Variants in COG7 observed in about 807,000 individuals in gnomAD.
The protein encoded by COG7 is component of oligomeric golgi complex 7, also known as conserved oligomeric Golgi complex subunit 7.
A neutral mutation model predicts 91.5 loss-of-function variants in COG7; 49 were observed. That is an observed-to-expected ratio of 0.54 (90% CI 0.43 to 0.68). The LOEUF is 0.68. Among genes scored for constraint, COG7 ranks in the 30% least tolerant of loss-of-function variants. COG7 has a pLI of 0.00. For missense variants in COG7, 895 were observed against 961.3 expected (o/e 0.93, Z 0.91); for synonymous variants, 365 against 388.7 (o/e 0.94, Z 0.72).
chr16:23,398,082 G>A lies in COG7; in HGVS notation c.1851C>T (p.Pro617=), dbSNP rs748835759. ...ACTCGAGAGGGGTGAGACTAAAGGC[G>A]GGCAGTTCATCTGTGAGGGTTTCTC... ...GIGETLTDEL[P]AFSLTPLEYI... Residue 617 remains proline (P), a synonymous_variant, in exon 14 of 17, where the codon CCC becomes CCT. Coordinates refer to ENST00000307149, the MANE Select transcript of COG7 (RefSeq NM_153603.4). The A allele has an allele frequency of 4.0e-5, 64 of 1,613,978 alleles. No homozygotes were observed. Among genetic ancestry groups the A allele is most frequent in the Admixed American group, 3.3e-4 (20 of 59,990 alleles).
At chr16:23,397,970 A>G (rs1963311529) in intron 14 of COG7, 76 bp downstream of exon 14, 6 of 1,295,868 alleles carry the variant, frequency 4.6e-6, no homozygotes, top group Non-Finnish European at 6.7e-6. Context: ...GGAAATGACT[A>G]TAAGGGCAAG....
At chr16:23,442,224 C>T (rs1340315506) in intron 4 of COG7, among the ~76,000 whole-genome samples, 1 of 151,552 alleles carries the variant, frequency 6.6e-6, no homozygotes, top group African/African-American at 2.4e-5. Context: ...ATCCCAGCTA[C>T]TCGGGAGGCT....
At position 23,452,910 on chromosome 16, in the gene COG7, C is replaced by G. The variant is rs1964289606; in HGVS notation, c.85G>C (p.Ala29Pro). 1 of 1,613,964 alleles carries G rather than the reference C, an allele frequency of 6.2e-7. No homozygotes were observed. The highest frequency in any genetic ancestry group is 8.5e-7 in the Non-Finnish European group (1 of 1,180,010). The change falls in exon 1 of 17, where the codon GCG becomes CCG. Residue 29 changes from alanine to proline, a missense_variant. Physicochemically the swap from Ala to Pro is conservative, Grantham distance 27 (BLOSUM62 -1). Transcript: ENST00000307149. Reference sequence around the variant, plus strand: ...GCGTGGCCATCCGCCTTCCCGGACGCCGCCTCCTTGGAGCCGGCCCTGAAG... The same window carrying G: ...GCGTGGCCATCCGCCTTCCCGGACGGCGCCTCCTTGGAGCCGGCCCTGAAG... Reference protein sequence around the residue: ...AAFRAGSKEAASGKADGHAAT... With the variant: ...AAFRAGSKEAPSGKADGHAAT...
At chr16:23,430,937 G>A (rs916606310) in intron 6 of COG7, among the ~76,000 whole-genome samples, 1 of 151,856 alleles carries the variant, frequency 6.6e-6, no homozygotes, top group South Asian at 2.1e-4. Context: ...GCTGAGGCGG[G>A]AAGATCACTT....
intron 7 of COG7, among the ~76,000 whole-genome samples, chr16:23,423,797 C>T (rs898719378): frequency 3.9e-5 from 6 of 152,216 alleles, no homozygotes; most frequent in African/African-American, 9.6e-5. Flanking sequence ...ACATGCGTCA[C>T]GGGGTCTGTG....
intron 4 of COG7, among the ~76,000 whole-genome samples, chr16:23,437,508 TAAAG>T: frequency 6.6e-6 from 1 of 152,086 alleles, no homozygotes; most frequent in East Asian, 1.9e-4. Flanking sequence ...AGACTCAAAA[TAAAG>T]AATTAACAAA....
intron 11 of COG7, 30 bp downstream of exon 11, chr16:23,410,265 G>A: frequency 1.9e-6 from 3 of 1,597,506 alleles, no homozygotes; most frequent in Non-Finnish European, 2.6e-6. Context: ...GAACCCCAGG[G>A]TGTAGAGGAC....
chr16:23,424,378 C>T (rs1253293394), intron 7 of COG7, among the ~76,000 whole-genome samples: 1 of 150,870 alleles, frequency 6.6e-6, no homozygotes, highest in East Asian at 1.9e-4. Flanking sequence ...TCTGAGGCTT[C>T]GTGATGACTT....
chr16:23,406,073 T>C lies in COG7; in HGVS notation c.1662+3A>G, dbSNP rs1468644964. 1.2e-6 allele frequency: 2 copies of C among 1,613,256 alleles called. No homozygotes were observed. The highest frequency in any genetic ancestry group is 1.1e-5 in the South Asian group (1 of 91,076). On this transcript the variant is annotated splice_donor_region_variant and intron_variant, in intron 12 of 16. Transcript: ENST00000307149. ...CAAGAATGCCATTCATTTGGTCTCA[T>C]ACCTTAAGGGTATAAAGTATTTCCA... is the stretch of plus-strand genomic sequence containing the variant.
At chr16:23,421,173 T>C (rs1963750194) in intron 7 of COG7, among the ~76,000 whole-genome samples, 1 of 151,752 alleles carries the variant, frequency 6.6e-6, no homozygotes, top group African/African-American at 2.4e-5. Context: ...TATTGCATAA[T>C]CTTTTATATT....
In COG7 at chr16:23,424,699, G is replaced by T. The variant is rs987269444; in HGVS notation, c.1009+50C>A. 2.5e-6 allele frequency: 4 copies of T among 1,589,318 alleles called. No individual in the cohort carries two copies. In the African/African-American group the frequency reaches 4.0e-5, roughly 16 times the overall value. ...ACAAATCCAGGCCCCAGAAGCTTCA[G>T]AAAGAGCGAGTAAAGACAAGCTAGA... On this transcript the variant is annotated intron_variant, in intron 7 of 16. Coordinates refer to ENST00000307149, the MANE Select transcript of COG7 (RefSeq NM_153603.4).
chr16:23,418,771 T>C lies in COG7; in HGVS notation c.1066A>G (p.Lys356Glu), dbSNP rs1050959808. The C allele has an allele frequency of 6.2e-7, 1 of 1,613,526 alleles. No individual in the cohort carries two copies. Among genetic ancestry groups the C allele is most frequent in the Non-Finnish European group, 8.5e-7 (1 of 1,179,528 alleles). ...ELVDAVYDPY[K>E]PYQLKYGDME... Reference sequence around the variant, plus strand: ...TCGCCATACTTCAGCTGGTAGGGTTTGTATGGATCATACACAGCATCCACC... The same window carrying C: ...TCGCCATACTTCAGCTGGTAGGGTTCGTATGGATCATACACAGCATCCACC... Residue 356 changes from lysine to glutamate, a missense_variant, in exon 8 of 17, where the codon AAA becomes GAA. By Grantham distance (56) the Lys-to-Glu change is moderately conservative. Coordinates refer to ENST00000307149, the MANE Select transcript of COG7 (RefSeq NM_153603.4).
chr16:23,411,870 A>G (rs991628139), intron 10 of COG7, among the ~76,000 whole-genome samples: 1 of 150,700 alleles, frequency 6.6e-6, no homozygotes, highest in African/African-American at 2.4e-5. Flanking sequence ...AGAAAAAGAA[A>G]CTTCCAGATT....
rs1354853556 is a variant in COG7 at position 23,452,763 on chromosome 16, C to T, written c.169+63G>A. On this transcript the variant is annotated intron_variant, in intron 1 of 16. Transcript: ENST00000307149. ...CCCACCTGAGTGCCTCACGCAAGTT[C>T]GGTGACCTCTGCCCAGCCGAGAGCA... 3.9e-6 allele frequency: 6 copies of T among 1,552,936 alleles called. No homozygotes were observed. In the Admixed American group the frequency reaches 7.7e-5, roughly 20 times the overall value.
chr16:23,450,837 A>G (rs1382043345), intron 1 of COG7, among the ~76,000 whole-genome samples: 1 of 152,100 alleles, frequency 6.6e-6, no homozygotes, highest in Non-Finnish European at 1.5e-5. Flanking sequence ...TCTCAAAAAA[A>G]AAAAGAAAGA....
At position 23,403,958 on chromosome 16, in the gene COG7, TG is replaced by T. The variant is rs1225730554; in HGVS notation, c.1663-125del. 194 of 1,142,450 alleles carry T rather than the reference TG, an allele frequency of 1.7e-4. 1 individual carries two copies. In the East Asian group the frequency reaches 4.8e-3, roughly 28 times the overall value. 70.8% of individuals were successfully genotyped at this position (1,142,450 alleles called of 1,614,324 possible). On this transcript the variant is annotated intron_variant, in intron 12 of 16. Transcript: ENST00000307149. ...TCTATGCAATAGTGGTTCCCAAACC[TG>T]GCTGTGCCCCAGGCCCCTCTGGAGA...
chr16:23,430,445 A>G (rs1963916465), intron 6 of COG7, among the ~76,000 whole-genome samples: 1 of 151,938 alleles, frequency 6.6e-6, no homozygotes, highest in Non-Finnish European at 1.5e-5. Flanking sequence ...AAAAAAAAAA[A>G]GATTGTATTT....
chr16:23,408,744 A>G (rs1963510980), intron 11 of COG7, among the ~76,000 whole-genome samples: 1 of 152,048 alleles, frequency 6.6e-6, no homozygotes. Flanking sequence ...GTGTGTGTAA[A>G]TAATATAAAT....
In COG7 at chr16:23,424,874, G is replaced by A; in HGVS notation, c.884C>T (p.Pro295Leu). Residue 295 changes from proline to leucine, a missense_variant, in exon 7 of 17, where the codon CCC (proline) becomes CTC (leucine). Pro to Leu is a moderately conservative substitution (Grantham distance 98). Transcript: ENST00000307149. ...QTLGALMPSL[P>L]SCLSNGVERA... ...CTCCACGCCGTTGCTGAGGCAGGAG[G>A]GCAGCGAGGGCATGAGGGCCCCCAG... 4 of 1,614,212 alleles carry A rather than the reference G, an allele frequency of 2.5e-6. No individual in the cohort carries two copies. Among genetic ancestry groups the A allele is most frequent in the Non-Finnish European group, 2.5e-6 (3 of 1,180,032 alleles).
Sources: allele counts gnomAD v4.1 joint callset (sites outside exome capture counted in the v4.1 genomes callset), GRCh38; gene constraint gnomAD v4.1.1; transcripts MANE v1.5; gene names NCBI Gene and HGNC (gene_info 2026-07-23, HGNC 2026-07-21).